Variants in FBXL2 observed in about 807,000 individuals in gnomAD.
The protein encoded by FBXL2 is F-box and leucine rich repeat protein 2.
In FBXL2, 38 loss-of-function variants were observed where a neutral mutation model predicts 69.2. The ratio of observed to expected loss-of-function variants is 0.55; its 90% CI spans 0.42 to 0.72. The LOEUF is 0.72. Among genes scored for constraint, FBXL2 ranks in the 30% least tolerant of loss-of-function variants. The pLI is 0.00. For synonymous variants in FBXL2, 192 were observed against 201.3 expected (o/e 0.95, Z 0.39); for missense variants, 354 against 520.3 (o/e 0.68, Z 3.11).
At chr3:33,362,897 T>G (rs974213391) in intron 4 of FBXL2, among the ~76,000 whole-genome samples, 3 of 152,134 alleles carry the variant, frequency 2.0e-5, no homozygotes, top group Non-Finnish European at 2.9e-5. Flanking sequence ...TACAGTTGTC[T>G]GGAATTTTGC....
At chr3:33,369,939 G>A (rs1377257503) in intron 5 of FBXL2, among the ~76,000 whole-genome samples, 2 of 152,072 alleles carry the variant, frequency 1.3e-5, no homozygotes, top group African/African-American at 4.8e-5. Context: ...AAATTTAAAA[G>A]TTGTATACAC....
intron 2 of FBXL2, among the ~76,000 whole-genome samples, chr3:33,331,471 C>T (rs1281213927): frequency 6.6e-6 from 1 of 152,098 alleles, no homozygotes; most frequent in Non-Finnish European, 1.5e-5. Flanking sequence ...GGCTCCCTCC[C>T]CCTGTTCTTC....
chr3:33,286,696 C>T (rs1361893029), intron 1 of FBXL2, among the ~76,000 whole-genome samples: 1 of 152,246 alleles, frequency 6.6e-6, no homozygotes, highest in Non-Finnish European at 1.5e-5. Flanking sequence ...CCAGTTCGAG[C>T]TTCCCGGCTG....
rs193145691 is a variant in FBXL2, at chr3:33,294,824, T to C, written c.4-2840T>C. On this transcript the variant is annotated intron_variant, in intron 1 of 14. Coordinates refer to ENST00000484457, the MANE Select transcript of FBXL2 (RefSeq NM_012157.5). Reference sequence around the variant, plus strand: ...TGCCACTGTACTCCAGTCTGACTGATAGAGTGAGACCCTGTTTCCAAAAAA... The same window carrying C: ...TGCCACTGTACTCCAGTCTGACTGACAGAGTGAGACCCTGTTTCCAAAAAA... 1.2e-3 allele frequency among the ~76,000 whole-genome samples: 180 copies of C among 146,332 alleles called. 2 individuals are homozygous for C. Among genetic ancestry groups the C allele is most frequent in the African/African-American group, 4.4e-3 (172 of 39,282 alleles).
intron 2 of FBXL2, among the ~76,000 whole-genome samples, chr3:33,351,457 G>A (rs1296722597): frequency 6.6e-6 from 1 of 151,978 alleles, no homozygotes; most frequent in Non-Finnish European, 1.5e-5. Flanking sequence ...TAATTCTGAA[G>A]AAAATTTTGT....
At chr3:33,402,772 G>T in intron 12 of FBXL2, 1 of 1,458,876 alleles carries the variant, frequency 6.9e-7, no homozygotes, top group Non-Finnish European at 9.2e-7. Flanking sequence ...TTAGTTAGCT[G>T]CAGGCACACG....
chr3:33,396,905 T>C, intron 12 of FBXL2: 1 of 796,654 alleles, frequency 1.3e-6, no homozygotes, highest in South Asian at 1.4e-5. Context: ...AACAGTCTTC[T>C]TGTGAGCACA....
At chr3:33,351,005 C>T (rs1258832624) in intron 2 of FBXL2, among the ~76,000 whole-genome samples, 1 of 151,888 alleles carries the variant, frequency 6.6e-6, no homozygotes, top group African/African-American at 2.4e-5. Context: ...GTAGCTCACG[C>T]CTGTAATCCC....
downstream of FBXL2, among the ~76,000 whole-genome samples, chr3:33,406,196 T>C (rs954978998): frequency 1.3e-5 from 2 of 152,320 alleles, no homozygotes; most frequent in East Asian, 3.9e-4. Context: ...GGAGGACTGC[T>C]TGAGGAGATT....
At chr3:33,299,025 A>ATTT (rs1271341714) in intron 2 of FBXL2, among the ~76,000 whole-genome samples, 44 of 77,848 alleles carry the variant, frequency 5.7e-4, no homozygotes, top group African/African-American at 3.3e-3. Flanking sequence ...TTATTTTTTT[A>ATTT]ATTTTATTTA....
intron 13 of FBXL2, among the ~76,000 whole-genome samples, chr3:33,379,322 A>G (rs530463299): frequency 6.6e-6 from 1 of 151,914 alleles, no homozygotes; most frequent in African/African-American, 2.4e-5. Context: ...TCAATTCTAT[A>G]CACTCTGTTT....
At chr3:33,323,385 CAT>C (rs1422707066) in intron 2 of FBXL2, among the ~76,000 whole-genome samples, 1 of 152,066 alleles carries the variant, frequency 6.6e-6, no homozygotes, top group Non-Finnish European at 1.5e-5. Context: ...TAGGTATACA[CAT>C]GCCATGGTGG....
intron 1 of FBXL2, among the ~76,000 whole-genome samples, chr3:33,294,173 T>G (rs114902230): frequency 0.013 from 2,045 of 152,270 alleles, 27 homozygotes; most frequent in Non-Finnish European, 0.021. Flanking sequence ...CATAGCTCAC[T>G]GTGGGCTCAA....
At chr3:33,400,094 A>T in intron 12 of FBXL2, 1 of 734,426 alleles carries the variant, frequency 1.4e-6, no homozygotes, top group Non-Finnish European at 2.0e-6. Flanking sequence ...TCCTATCCAT[A>T]GTTATTTCAA....
intron 12 of FBXL2, among the ~76,000 whole-genome samples, chr3:33,402,310 C>T (rs2044259211): frequency 6.6e-6 from 1 of 152,130 alleles, no homozygotes; most frequent in South Asian, 2.1e-4. Context: ...TCCACCATTT[C>T]CATTTCTAAA....
intron 13 of FBXL2, 86 bp from the exon 14 acceptor site, chr3:33,383,903 A>G (rs1355522407): frequency 7.4e-7 from 1 of 1,357,790 alleles, no homozygotes; most frequent in Non-Finnish European, 1.0e-6. Flanking sequence ...GCAGAAGGGC[A>G]AAAAGGCTAG....
At chr3:33,313,612 A>ATT (rs111524427) in intron 2 of FBXL2, among the ~76,000 whole-genome samples, 2 of 119,526 alleles carry the variant, frequency 1.7e-5, no homozygotes, top group African/African-American at 3.4e-5. Context: ...TGCTCAGATA[A>ATT]TTGTTTTATT....
intron 2 of FBXL2, among the ~76,000 whole-genome samples, chr3:33,340,881 G>A (rs1422467075): frequency 1.6e-5 from 2 of 124,572 alleles, no homozygotes; most frequent in Non-Finnish European, 3.2e-5. Context: ...GTGACCAAGT[G>A]AGATTCCTTT....
At chr3:33,347,309 T>C (rs1372673688) in intron 2 of FBXL2, among the ~76,000 whole-genome samples, 1 of 152,230 alleles carries the variant, frequency 6.6e-6, no homozygotes, top group East Asian at 1.9e-4. Flanking sequence ...ATCTCATTCT[T>C]TGTATGGCTG....
Sources: allele counts gnomAD v4.1 joint callset (sites outside exome capture counted in the v4.1 genomes callset), GRCh38; gene constraint gnomAD v4.1.1; transcripts MANE v1.5; gene names NCBI Gene and HGNC (gene_info 2026-07-23, HGNC 2026-07-21).